Variants in CALHM4 observed in about 807,000 individuals in gnomAD.
CALHM4 encodes calcium homeostasis modulator family member 4.
In CALHM4, 16 loss-of-function variants were observed where a neutral mutation model predicts 13.3. That is an observed-to-expected ratio of 1.20 (90% CI 0.81 to 1.82). The LOEUF (loss-of-function observed/expected upper bound fraction) is 1.82. Ranked by LOEUF, CALHM4 falls within the 40% of genes most tolerant of loss-of-function variation. The pLI, the probability that CALHM4 is intolerant of heterozygous loss-of-function variation, is 0.00. For synonymous variants in CALHM4, 127 were observed against 137.1 expected (o/e 0.93, Z 0.52); for missense variants, 344 against 374.9 (o/e 0.92, Z 0.68).
intron 2 of CALHM4, chr6:116,545,711 T>C (rs1773743424): frequency 2.5e-6 from 1 of 403,518 alleles, no homozygotes; most frequent in African/African-American, 2.1e-5. Context: ...AACAGGATTG[T>C]CTTATAGCCA....
At chr6:116,538,324 T>A (rs1035239289) in intron 1 of CALHM4, among the ~76,000 whole-genome samples, 1 of 152,236 alleles carries the variant, frequency 6.6e-6, no homozygotes, top group Non-Finnish European at 1.5e-5. Flanking sequence ...ATTGAGCATA[T>A]TTCAGATAAT....
At chr6:116,550,013 TATATATATATATAC>T (rs1330840196), upstream of CALHM4, among the ~76,000 whole-genome samples, 77 of 69,512 alleles carry the variant, frequency 1.1e-3, no homozygotes, top group African/African-American at 2.5e-3. Flanking sequence ...TATATATATA[TATATATATATATAC>T]ACACACACAC....
At chr6:116,540,583 A>C in intron 1 of CALHM4, 3 of 948,872 alleles carry the variant, frequency 3.2e-6, no homozygotes, top group Non-Finnish European at 4.8e-6. Flanking sequence ...CAAACCAAAT[A>C]TGACGAGTCA....
At position 116,554,126 on chromosome 6, in the gene CALHM4, A is replaced by C; in HGVS notation, c.333A>C (p.Ala111=). Residue 111 remains alanine (A), a synonymous_variant, in exon 1 of 2, where the codon GCA becomes GCC. Transcript: ENST00000368596. ...GGTTCTTCAGCATCACTGGGAGGGCAGTTATTGCTCCTTTAACTTGGCTGG... is the reference window on the plus strand; with the variant it reads ...GGTTCTTCAGCATCACTGGGAGGGCCGTTATTGCTCCTTTAACTTGGCTGG... ...CLRFFSITGR[A]VIAPLTWLAV... 6.4e-7 allele frequency: 1 copy of C among 1,550,610 alleles called. No homozygotes were observed.
At chr6:116,533,336 G>A (rs1241171429) in intron 1 of CALHM4, among the ~76,000 whole-genome samples, 1 of 152,210 alleles carries the variant, frequency 6.6e-6, no homozygotes, top group Non-Finnish European at 1.5e-5. Context: ...TTAACAAAAA[G>A]TCTTTATTTC....
intron 1 of CALHM4, among the ~76,000 whole-genome samples, chr6:116,538,344 T>A (rs543552029): frequency 3.5e-4 from 54 of 152,366 alleles, no homozygotes; most frequent in African/African-American, 1.1e-3. Flanking sequence ...TCTCTGACCC[T>A]ACATCGTGTG....
chr6:116,535,571 T>A (rs931447729), intron 1 of CALHM4, among the ~76,000 whole-genome samples: 1 of 151,884 alleles, frequency 6.6e-6, no homozygotes, highest in Admixed American at 6.6e-5. Context: ...ACTAAGGAGG[T>A]TTTTTGGCTC....
At chr6:116,552,111 G>A (rs973652998), upstream of CALHM4, among the ~76,000 whole-genome samples, 15 of 152,072 alleles carry the variant, frequency 9.9e-5, no homozygotes, top group African/African-American at 3.6e-4. Context: ...AGGTTCTGTG[G>A]ATGGTAAATT....
Position 116,560,502 on chromosome 6 carries a change from G to C in CALHM4, c.*2291G>C, listed in dbSNP as rs1774536276. On this transcript the variant is annotated 3_prime_UTR_variant, in exon 2 of 2. Coordinates refer to ENST00000368596, the MANE Select transcript of CALHM4 (RefSeq NM_001366078.2). ...CTTCCCCTATAACTTTCTGGCAAAG[G>C]ATTCTAAGTATTCGTTGGCTCTTCT... 6.6e-6 allele frequency among the ~76,000 whole-genome samples: 1 copy of C among 152,060 alleles called. No homozygotes were observed. The highest frequency in any genetic ancestry group is 6.6e-5 in the Admixed American group (1 of 15,260).
At chr6:116,546,732 C>A (rs1378196595) in intron 2 of CALHM4, among the ~76,000 whole-genome samples, 1 of 152,116 alleles carries the variant, frequency 6.6e-6, no homozygotes, top group African/African-American at 2.4e-5. Context: ...TTAAAATGCA[C>A]CATATAATAA....
chr6:116,558,469 T>A lies in CALHM4; in HGVS notation c.*258T>A. On this transcript the variant is annotated 3_prime_UTR_variant, in exon 2 of 2. Transcript: ENST00000368596. ...CATGGAAATTTGCATCTTAGTTCTGTTACTTAGTAGCTGTGTGAAAATTAA... is the reference window on the plus strand; with the variant it reads ...CATGGAAATTTGCATCTTAGTTCTGATACTTAGTAGCTGTGTGAAAATTAA... The A allele has an allele frequency of 2.4e-6, 1 of 408,972 alleles. No homozygotes were observed. 25.3% of individuals were successfully genotyped at this position (408,972 alleles called of 1,614,324 possible).
At chr6:116,552,484 C>G (rs960099884), upstream of CALHM4, among the ~76,000 whole-genome samples, 1 of 152,116 alleles carries the variant, frequency 6.6e-6, no homozygotes, top group African/African-American at 2.4e-5. Context: ...AGAACTCCTA[C>G]TAGACAGATT....
At chr6:116,544,468 G>A (rs1773654842) in intron 2 of CALHM4, among the ~76,000 whole-genome samples, 1 of 151,988 alleles carries the variant, frequency 6.6e-6, no homozygotes. Context: ...CTGTTCAATT[G>A]GGTCTCAAAT....
At chr6:116,532,455 A>C (rs956842019) in intron 1 of CALHM4, among the ~76,000 whole-genome samples, 1 of 152,214 alleles carries the variant, frequency 6.6e-6, no homozygotes, top group Non-Finnish European at 1.5e-5. Context: ...AAATGTCAAC[A>C]GGTGTGGATT....
At chr6:116,557,206 A>C (rs1239382252) in intron 1 of CALHM4, among the ~76,000 whole-genome samples, 1 of 152,120 alleles carries the variant, frequency 6.6e-6, no homozygotes, top group Non-Finnish European at 1.5e-5. Context: ...CAAAGTACTG[A>C]GATTACAAGT....
intron 1 of CALHM4, among the ~76,000 whole-genome samples, chr6:116,530,027 C>A (rs1360934441): frequency 6.6e-6 from 1 of 152,208 alleles, no homozygotes; most frequent in South Asian, 2.1e-4. Flanking sequence ...ATGATGGCAG[C>A]AAAATTCAAG....
chr6:116,559,186 G>A lies in CALHM4; in HGVS notation c.*975G>A, dbSNP rs1005120156. 1.3e-5 allele frequency among the ~76,000 whole-genome samples: 2 copies of A among 152,132 alleles called. No homozygotes were observed. The highest frequency in any genetic ancestry group is 4.8e-5 in the African/African-American group (2 of 41,428). ...TCTGGACAATTTTCTAATTTATCTA[G>A]ATTATTTCTGTGATATATAGTGACT... On this transcript the variant is annotated 3_prime_UTR_variant, in exon 2 of 2. Coordinates refer to ENST00000368596, the MANE Select transcript of CALHM4 (RefSeq NM_001366078.2).
rs779520262 is a variant in CALHM4, at chr6:116,557,808, T to C, written c.559-17T>C. 12 of 1,599,858 alleles carry C rather than the reference T, an allele frequency of 7.5e-6. No individual in the cohort carries two copies. In the African/African-American group the frequency reaches 1.6e-4, roughly 21 times the overall value. On this transcript the variant is annotated splice_polypyrimidine_tract_variant and intron_variant, in intron 1 of 1. Coordinates refer to ENST00000368596, the MANE Select transcript of CALHM4 (RefSeq NM_001366078.2). ...GCATTGATACTTCCTGTTTTTCTTT[T>C]TAATAATGATGTGAAGATGCTGGGT...
chr6:116,533,878 T>C (rs1192043743), intron 1 of CALHM4, among the ~76,000 whole-genome samples: 1 of 152,182 alleles, frequency 6.6e-6, no homozygotes, highest in Admixed American at 6.5e-5. Flanking sequence ...TTTCTTACTG[T>C]CCCCATCAGC....
Sources: allele counts gnomAD v4.1 joint callset (sites outside exome capture counted in the v4.1 genomes callset), GRCh38; gene constraint gnomAD v4.1.1; transcripts MANE v1.5; gene names NCBI Gene and HGNC (gene_info 2026-07-23, HGNC 2026-07-21).